The following DMBT1 variants were observed in gnomAD, a reference collection of about 807,000 sequenced individuals.
DMBT1 encodes the protein deleted in malignant brain tumors 1, also known as scavenger receptor cysteine-rich domain-containing protein DMBT1.
DMBT1 carries 198 observed loss-of-function variants against 252.9 expected under a neutral mutation model. The ratio of observed to expected loss-of-function variants is 0.78; its 90% CI spans 0.70 to 0.88. DMBT1 has a LOEUF of 0.88. Ranked by LOEUF, DMBT1 falls within the 40% of genes least tolerant of loss-of-function variation. DMBT1 has a pLI of 0.00. For synonymous variants in DMBT1, 990 were observed against 942.7 expected, an observed-to-expected ratio of 1.05 and a Z score of -0.92; for missense variants, 2,432 against 2,404.7, an observed-to-expected ratio of 1.01 and a Z score of -0.24.
At position 122,599,040 on chromosome 10, in the gene DMBT1, A is replaced by T. The variant is rs1391062891; in HGVS notation, c.3223A>T (p.Asn1075Tyr). The T allele has an allele frequency of 6.2e-7, 1 of 1,613,718 alleles. No homozygotes were observed. Among genetic ancestry groups the T allele is most frequent in the Non-Finnish European group, 8.5e-7 (1 of 1,179,720 alleles). Residue 1075 changes from asparagine (N) to tyrosine (Y), a missense_variant, in exon 26 of 56, where the codon AAT becomes TAT. Asn to Tyr is a moderately radical substitution (Grantham distance 143, BLOSUM62 -2). Around this residue, in one of 3 missense-constraint regions of DMBT1, gnomAD observed 1,264 missense variants for 1,082.2 expected, o/e 1.17. Transcript: ENST00000338354. ...GTCTTACCTGTGGAGCTGCCCCCAC[A>T]ATGGCTGGCTCTCCCACAACTGTGG... The part of the protein sequence containing the change: ...HESYLWSCPH[N>Y]GWLSHNCGHS...
At chr10:122,620,434 G>A (rs1378245008) in intron 43 of DMBT1, 143 bp downstream of exon 43, 3 of 952,910 alleles carry the variant, frequency 3.1e-6, no homozygotes, top group South Asian at 1.6e-5. Flanking sequence ...GACTCCCTGG[G>A]AACCTAGTCC....
At chr10:122,630,938 C>A in intron 48 of DMBT1, 23 bp from the exon 49 acceptor site, 2 of 1,573,514 alleles carry the variant, frequency 1.3e-6, no homozygotes, top group Non-Finnish European at 1.7e-6. Flanking sequence ...TGGCCATGAT[C>A]TCTCAGTTAA....
chr10:122,639,373 T>C (rs577476316), intron 54 of DMBT1, among the ~76,000 whole-genome samples: 1 of 152,204 alleles, frequency 6.6e-6, no homozygotes, highest in East Asian at 1.9e-4. Flanking sequence ...TTTAATTACC[T>C]GGGTGCAGGT....
chr10:122,637,065 GC>G (rs2098232605), intron 53 of DMBT1, 62 bp from the exon 54 acceptor site: 2 of 1,507,592 alleles, frequency 1.3e-6, no homozygotes, highest in Non-Finnish European at 1.8e-6. Context: ...ACAGCCTCTG[GC>G]CCCGTAGGAC....
At position 122,636,139 on chromosome 10, in the gene DMBT1, A is replaced by G. The variant is rs768113995; in HGVS notation, c.6697A>G (p.Ser2233Gly). Reference protein sequence around the residue: ...FMSIRFISDHSITRRGFRAEY... With the variant: ...FMSIRFISDHGITRRGFRAEY... The stretch of plus-strand genomic sequence containing the variant: ...GTCCATTCGCTTCATCAGTGACCAC[A>G]GCATCACAAGGAGAGGGTTCCGGGC... The change falls in exon 53 of 56, where the codon AGC (serine) becomes GGC (glycine). Residue 2233 changes from serine (S) to glycine (G), a missense_variant. By Grantham distance (56) the Ser-to-Gly change is moderately conservative. Transcript: ENST00000338354. 1.2e-6 allele frequency: 2 copies of G among 1,614,020 alleles called. No homozygotes were observed. The highest frequency in any genetic ancestry group is 1.7e-6 in the Non-Finnish European group (2 of 1,179,892).
At chr10:122,580,520 T>C (rs533290981) in intron 10 of DMBT1, among the ~76,000 whole-genome samples, 3 of 152,294 alleles carry the variant, frequency 2.0e-5, no homozygotes, top group East Asian at 3.9e-4. Context: ...TTGCCTGTGA[T>C]TGGGGCTTGA....
At chr10:122,564,867 A>G (rs899052629) in intron 1 of DMBT1, among the ~76,000 whole-genome samples, 2 of 152,300 alleles carry the variant, frequency 1.3e-5, no homozygotes, top group Non-Finnish European at 2.9e-5. Context: ...CTGGAGTGCT[A>G]TATCTTGTCT....
chr10:122,600,967 C>G (rs751365994), intron 27 of DMBT1, 24 bp from the exon 28 acceptor site: 2 of 760,160 alleles, frequency 2.6e-6, no homozygotes, highest in Non-Finnish European at 2.3e-6. Context: ...CTAATTCTGT[C>G]TTTTCCTTTG....
intron 44 of DMBT1, 46 bp from the exon 45 acceptor site, chr10:122,625,231 A>G (rs2098109275): frequency 5.6e-6 from 9 of 1,596,446 alleles, no homozygotes; most frequent in Middle Eastern, 1.6e-4. Context: ...CTCGCTCATC[A>G]TCCTGGGCAC....
chr10:122,618,151 T>C lies in DMBT1; in HGVS notation c.5026T>C (p.Cys1676Arg), dbSNP rs2098017579. ...GGACACCAATGATGCCAACGTGGTC[T>C]GCAGGCAGCTGGGCTGTGGCTGGGC... is the stretch of plus-strand genomic sequence containing the variant. ...YWDTNDANVV[C>R]RQLGCGWAMS... The change falls in exon 41 of 56, where the codon TGC (cysteine) becomes CGC (arginine). Residue 1676 changes from cysteine to arginine, a missense_variant. Transcript: ENST00000338354. 6.2e-7 allele frequency: 1 copy of C among 1,613,864 alleles called. No individual in the cohort carries two copies. The highest frequency in any genetic ancestry group is 1.3e-5 in the African/African-American group (1 of 74,940).
chr10:122,634,565 C>T (rs1054648429), intron 52 of DMBT1, among the ~76,000 whole-genome samples: 7 of 150,934 alleles, frequency 4.6e-5, no homozygotes, highest in Admixed American at 1.3e-4. Flanking sequence ...GGCACGGTCT[C>T]GGCTCACTGC....
intron 27 of DMBT1, 89 bp from the exon 28 acceptor site, chr10:122,600,902 C>G: frequency 1.5e-6 from 1 of 650,040 alleles, no homozygotes; most frequent in Non-Finnish European, 2.8e-6. Flanking sequence ...GAATTGTTGC[C>G]AGGTGGATTC....
At chr10:122,600,815 C>T (rs141358692) in intron 27 of DMBT1, among the ~76,000 whole-genome samples, 176 bp from the exon 28 acceptor site, 2,141 of 152,200 alleles carry the variant, frequency 0.014, 54 homozygotes, top group African/African-American at 0.049. Flanking sequence ...TCCAGCAGGA[C>T]CTTTGTCCGT....
Position 122,577,845 on chromosome 10 carries a change from G to A in DMBT1, c.637+5G>A, listed in dbSNP as rs1385109961. On this transcript the variant is annotated splice_donor_5th_base_variant and intron_variant, in intron 8 of 55. Coordinates refer to ENST00000338354, the MANE Select transcript of DMBT1 (RefSeq NM_001377530.1). ...CTCAGTCAACACTCAGGCCAGGTGA[G>A]TCCCCAGAATCCTTCCTCGGGATAC... 1 of 1,613,502 alleles carries A rather than the reference G, an allele frequency of 6.2e-7. No individual in the cohort carries two copies. Among genetic ancestry groups the A allele is most frequent in the Admixed American group, 1.7e-5 (1 of 59,988 alleles).
intron 4 of DMBT1, 117 bp from the exon 5 acceptor site, chr10:122,572,197 G>C: frequency 7.1e-7 from 1 of 1,402,196 alleles, no homozygotes; most frequent in East Asian, 2.3e-5. Context: ...TTTAGCAATG[G>C]AGGTTGCCTT....
Position 122,640,239 on chromosome 10 carries a change from A to G in DMBT1, c.7142A>G (p.Asn2381Ser). 1 of 1,614,036 alleles carries G rather than the reference A, an allele frequency of 6.2e-7. No homozygotes were observed. The highest frequency in any genetic ancestry group is 8.5e-7 in the Non-Finnish European group (1 of 1,179,900). ...TIQVEEVQYG[N>S]FDVNISFYTS... The stretch of plus-strand genomic sequence containing the variant: ...CAGGTCGAGGAAGTCCAGTATGGCA[A>G]TTTTGACGTGAACATTTCCTTTTAT... Residue 2381 changes from asparagine (N) to serine (S), a missense_variant, in exon 55 of 56, where the codon AAT becomes AGT. Transcript: ENST00000338354.
At chr10:122,597,390 A>T (rs2097892152) in intron 24 of DMBT1, among the ~76,000 whole-genome samples, 1 of 152,170 alleles carries the variant, frequency 6.6e-6, no homozygotes, top group Non-Finnish European at 1.5e-5. Context: ...ATTGAGAGTG[A>T]TTGCCAAAGT....
In DMBT1 at chr10:122,565,992, C is replaced by T; in HGVS notation, c.87C>T (p.Asp29=). The change falls in exon 2 of 56, where the codon GAC becomes GAT. Residue 29 remains aspartate (D), a synonymous_variant. Transcript: ENST00000338354. ...STGGWIPRTT[D]YASLIPSEVP... ...GTGGGTGGATCCCAAGGACTACAGA[C>T]TACGGTAAGACCTTTTCTTCACTCC... is the stretch of plus-strand genomic sequence containing the variant. 6.2e-7 allele frequency: 1 copy of T among 1,613,962 alleles called. No homozygotes were observed. The highest frequency in any genetic ancestry group is 1.1e-5 in the South Asian group (1 of 91,076).
rs746758106 is a variant in DMBT1 at position 122,643,145 on chromosome 10, G to C, written c.7376G>C (p.Gly2459Ala). The part of the protein sequence containing the change: ...RSGCVRDDTY[G>A]PYSSPSLRIA... ...AGATGCGTGAGGGATGACACCTACG[G>C]ACCCTACTCCTCGCCATCTCTTCGC... The change falls in exon 56 of 56, where the codon GGA (glycine) becomes GCA (alanine). Residue 2459 changes from glycine to alanine, a missense_variant. By Grantham distance (60) the Gly-to-Ala change is moderately conservative. Coordinates refer to ENST00000338354, the MANE Select transcript of DMBT1 (RefSeq NM_001377530.1). 5.6e-6 allele frequency: 9 copies of C among 1,613,772 alleles called. No individual in the cohort carries two copies. The South Asian group carries it at 6.6e-5, about 12-fold the overall frequency.
Sources: gnomAD v4.1 joint callset for allele counts (sites outside exome capture counted in the v4.1 genomes callset) on GRCh38, gnomAD v4.1.1 for gene constraint, gnomAD v4.1.1 regional missense constraint, MANE v1.5 for transcripts, NCBI Gene and HGNC (gene_info 2026-07-23, HGNC 2026-07-21) for gene names.